LMBR1L: variants seen among roughly 807,000 people sequenced by gnomAD.
The protein encoded by LMBR1L is limb development membrane protein 1 like, also known as protein LMBR1L.
A neutral mutation model predicts 67.3 loss-of-function variants in LMBR1L; 47 were observed. The ratio of observed to expected loss-of-function variants is 0.70; its 90% CI spans 0.55 to 0.89. The LOEUF (loss-of-function observed/expected upper bound fraction) is 0.89. Among genes scored for constraint, LMBR1L ranks in the 40% least tolerant of loss-of-function variants. The pLI is 0.00. For missense variants in LMBR1L, 533 were observed against 599.2 expected (o/e 0.89, Z 1.15); for synonymous variants, 247 against 250.3 (o/e 0.99, Z 0.13).
chr12:49,104,489 A>G lies in LMBR1L; in HGVS notation c.394T>C (p.Tyr132His). ...AAGCCCTCAGACTCAGTGAAGAAAT[A>G]TGCAAAGGGCATGAGGAAGATGAGG... is the stretch of plus-strand genomic sequence containing the variant. ...LSLIFLMPFA[Y>H]FFTESEGFAG... The change falls in exon 5 of 17, where the codon TAT (tyrosine) becomes CAT (histidine). Residue 132 changes from tyrosine (Y) to histidine (H), a missense_variant. Coordinates refer to ENST00000267102, the MANE Select transcript of LMBR1L (RefSeq NM_018113.4). The G allele has an allele frequency of 6.2e-7, 1 of 1,614,102 alleles. No individual in the cohort carries two copies. The highest frequency in any genetic ancestry group is 8.5e-7 in the Non-Finnish European group (1 of 1,179,966).
chr12:49,102,003 A>G, intron 11 of LMBR1L, 117 bp downstream of exon 11: 4 of 834,732 alleles, frequency 4.8e-6, no homozygotes, highest in Non-Finnish European at 7.8e-6. Flanking sequence ...GTAGGCACTC[A>G]GTGAGAAGCA....
At chr12:49,104,051 C>CAT (rs1163617502) in intron 5 of LMBR1L, 3 of 510,832 alleles carry the variant, frequency 5.9e-6, no homozygotes, top group African/African-American at 5.8e-5. Context: ...TCATTGTGTG[C>CAT]TCTGGGAGGC....
At chr12:49,103,612 G>A (rs1349825551) in intron 6 of LMBR1L, 75 bp downstream of exon 6, 6 of 1,530,156 alleles carry the variant, frequency 3.9e-6, no homozygotes, top group South Asian at 1.3e-5. Flanking sequence ...ACTTTAGAAG[G>A]TTACAGTCAT....
intron 1 of LMBR1L, 47 bp from the exon 2 acceptor site, chr12:49,107,092 A>G: frequency 1.5e-6 from 2 of 1,295,300 alleles, no homozygotes; most frequent in Middle Eastern, 3.6e-4. Flanking sequence ...CCTTCAGCAC[A>G]CTCCACAGCC....
rs1257123022 is a variant in LMBR1L, at chr12:49,101,291, C to G, written c.1041G>C (p.Lys347Asn). 12 of 1,614,046 alleles carry G rather than the reference C, an allele frequency of 7.4e-6. No individual in the cohort carries two copies. The highest frequency in any genetic ancestry group is 1.0e-5 in the Non-Finnish European group (12 of 1,180,032). ...GTSLGQVSFS[K>N]LGSFGAVIQV... ...GAATGACGGCACCAAAGGAGCCCAG[C>G]TTGGAGAAGGAGACCTGGCCTAAGG... The change falls in exon 13 of 17, where the codon AAG (lysine) becomes AAC (asparagine). Residue 347 changes from lysine to asparagine, a missense_variant. This residue lies in a region of LMBR1L where 223 missense variants were observed against 241.2 expected (regional missense o/e 0.92). Coordinates refer to ENST00000267102, the MANE Select transcript of LMBR1L (RefSeq NM_018113.4).
In LMBR1L at chr12:49,098,088, G is replaced by C; in HGVS notation, c.1258C>G (p.Leu420Val). 1 of 1,613,884 alleles carries C rather than the reference G, an allele frequency of 6.2e-7. No homozygotes were observed. The highest frequency in any genetic ancestry group is 8.5e-7 in the Non-Finnish European group (1 of 1,179,808). ...SRTLGLTRFD[L>V]LGDFGRFNWL... ...TTGAAGCGTCCAAAGTCACCCAGCA[G>C]GTCAAAGCGAGTGAGCCCTGAAGCA... Residue 420 changes from leucine to valine, a missense_variant, in exon 16 of 17, where the codon CTG (leucine) becomes GTG (valine). Transcript: ENST00000267102.
intron 1 of LMBR1L, chr12:49,109,652 A>G: frequency 2.2e-6 from 1 of 455,766 alleles, no homozygotes; most frequent in Non-Finnish European, 4.4e-6. Context: ...AGGACACAGG[A>G]GAAAGGAGAG....
At chr12:49,109,131 A>C (rs1941257655) in intron 1 of LMBR1L, among the ~76,000 whole-genome samples, 1 of 152,204 alleles carries the variant, frequency 6.6e-6, no homozygotes, top group Non-Finnish European at 1.5e-5. Context: ...GATGAGAGCC[A>C]GGTGGGGGAG....
chr12:49,103,023 T>C (rs2120968810), intron 7 of LMBR1L, 68 bp downstream of exon 7: 1 of 1,607,498 alleles, frequency 6.2e-7, no homozygotes, highest in Non-Finnish European at 8.5e-7. Flanking sequence ...CCCCATTCCC[T>C]TTCCTTCTAG....
rs1318147041 is a variant in LMBR1L at position 49,104,510 on chromosome 12, T to C, written c.373A>G (p.Ile125Val). The C allele has an allele frequency of 6.2e-7, 1 of 1,613,826 alleles. No individual in the cohort carries two copies. The highest frequency in any genetic ancestry group is 1.1e-5 in the South Asian group (1 of 91,064). Reference sequence around the variant, plus strand: ...AAATATGCAAAGGGCATGAGGAAGATGAGGGACAGGTTGGAGAAGAGAAAA... The same window carrying C: ...AAATATGCAAAGGGCATGAGGAAGACGAGGGACAGGTTGGAGAAGAGAAAA... ...LVFLFSNLSL[I>V]FLMPFAYFFT... Residue 125 changes from isoleucine to valine, a missense_variant, in exon 5 of 17, where the codon ATC (isoleucine) becomes GTC (valine). Physicochemically the swap from Ile to Val is conservative, Grantham distance 29. Transcript: ENST00000267102.
At chr12:49,100,967 A>C (rs1190829797) in intron 13 of LMBR1L, 3 of 581,222 alleles carry the variant, frequency 5.2e-6, no homozygotes, top group African/African-American at 1.9e-5. Flanking sequence ...AAACTCAAGC[A>C]ATCTACCCGC....
At chr12:49,105,815 C>T in intron 3 of LMBR1L, 109 bp downstream of exon 3, 1 of 867,184 alleles carries the variant, frequency 1.2e-6, no homozygotes, top group Non-Finnish European at 1.8e-6. Context: ...GAAACAGAAA[C>T]TCTCTCTTCA....
At chr12:49,099,451 A>G (rs1283139408) in intron 15 of LMBR1L, among the ~76,000 whole-genome samples, 1 of 152,012 alleles carries the variant, frequency 6.6e-6, no homozygotes, top group Non-Finnish European at 1.5e-5. Context: ...GCCTGGCCCC[A>G]GAACTGACTT....
intron 1 of LMBR1L, chr12:49,110,199 C>A (rs1388416190): frequency 3.7e-6 from 2 of 543,068 alleles, no homozygotes; most frequent in Non-Finnish European, 3.4e-6. Context: ...CCCCGGAGAC[C>A]CCCAACAGGA....
At chr12:49,101,631 C>T in intron 11 of LMBR1L, 82 bp from the exon 12 acceptor site, 1 of 986,286 alleles carries the variant, frequency 1.0e-6, no homozygotes, top group Non-Finnish European at 1.5e-6. Flanking sequence ...GACTCTGGTC[C>T]AACATTTTCA....
intron 2 of LMBR1L, chr12:49,106,420 G>A: frequency 2.2e-6 from 1 of 448,180 alleles, no homozygotes; most frequent in Non-Finnish European, 4.1e-6. Flanking sequence ...ATCCTAAGAG[G>A]AGGAAAGGCT....
At chr12:49,103,016 C>T in intron 7 of LMBR1L, 65 bp from the exon 8 acceptor site, 4 of 1,606,712 alleles carry the variant, frequency 2.5e-6, no homozygotes, top group South Asian at 1.1e-5. Context: ...ACATGCCCCC[C>T]ATTCCCTTTC....
intron 15 of LMBR1L, 32 bp from the exon 16 acceptor site, chr12:49,098,137 C>A (rs752653242): frequency 2.5e-6 from 4 of 1,588,580 alleles, no homozygotes; most frequent in Non-Finnish European, 3.4e-6. Flanking sequence ...GAGAGGTGGG[C>A]TCCCCAGGCC....
chr12:49,102,297 C>T lies in LMBR1L; in HGVS notation c.849G>A (p.Leu283=), dbSNP rs776717455. 3.1e-6 allele frequency: 5 copies of T among 1,614,212 alleles called. No homozygotes were observed. The East Asian group carries it at 8.9e-5, about 29-fold the overall frequency. ...AAGCCCTACGAAGCCACATACCCAG[C>T]AGGACCCTCTGTGTCTGCAGAGCCA... is the stretch of plus-strand genomic sequence containing the variant. The part of the protein sequence containing the change: ...QVLALQTQRV[L]LEKRRKASAW... Residue 283 remains leucine (L), a synonymous_variant, in exon 10 of 17, where the codon CTG becomes CTA. Coordinates refer to ENST00000267102, the MANE Select transcript of LMBR1L (RefSeq NM_018113.4).
Sources: gnomAD v4.1 joint callset for allele counts (sites outside exome capture counted in the v4.1 genomes callset) on GRCh38, gnomAD v4.1.1 for gene constraint, gnomAD v4.1.1 regional missense constraint, MANE v1.5 for transcripts, NCBI Gene and HGNC (gene_info 2026-07-23, HGNC 2026-07-21) for gene names.